MMRN1: variants seen among roughly 807,000 people sequenced by gnomAD.
MMRN1 encodes the protein multimerin-1.
In MMRN1, 94 loss-of-function variants were observed where a neutral mutation model predicts 100.7. The observed-to-expected ratio is 0.93, with a 90% CI of 0.79 to 1.11. The LOEUF (loss-of-function observed/expected upper bound fraction) is 1.11. MMRN1 is among the 50% of genes least tolerant of loss of function. MMRN1 has a pLI of 0.00. For missense variants in MMRN1, 1,606 were observed against 1,439.1 expected (o/e 1.12, Z -1.88); for synonymous variants, 575 against 505.0 (o/e 1.14, Z -1.86).
chr4:89,944,204 A>G (rs918021697), intron 6 of MMRN1, among the ~76,000 whole-genome samples: 5 of 152,092 alleles, frequency 3.3e-5, no homozygotes, highest in African/African-American at 1.2e-4. Context: ...TTTTTTCTCT[A>G]TTTTAAATAG....
intron 2 of MMRN1, 125 bp downstream of exon 2, chr4:89,909,520 A>G (rs1237944908): frequency 8.2e-7 from 1 of 1,213,768 alleles, no homozygotes; most frequent in East Asian, 2.6e-5. Context: ...TAGTCACATT[A>G]TGCTTTAGTA....
chr4:89,928,563 AT>A (rs1300117907), intron 5 of MMRN1, among the ~76,000 whole-genome samples: 1 of 152,184 alleles, frequency 6.6e-6, no homozygotes, highest in African/African-American at 2.4e-5. Context: ...GATCAACAGG[AT>A]AATCCATTTC....
At position 89,909,305 on chromosome 4, in the gene MMRN1, T is replaced by A. The variant is rs775899461; in HGVS notation, c.653T>A (p.Leu218Ter). 1 of 1,609,832 alleles carries A rather than the reference T, an allele frequency of 6.2e-7. No individual in the cohort carries two copies. The highest frequency in any genetic ancestry group is 8.5e-7 in the Non-Finnish European group (1 of 1,177,352). ...KNWCAYVHTR[L>*]SPTVILDNQV... ...TGGTGTGCTTATGTACATACCAGGT[T>A]ATCTCCCACAGTGATATTGGACAAC... The change falls in exon 2 of 8, where the codon TTA becomes TAA. Residue 218 changes from leucine (L) to a stop codon, truncating the protein, a stop_gained. Transcript: ENST00000264790. LOFTEE classifies it high-confidence loss of function.
At chr4:89,919,256 G>A (rs547175709) in intron 3 of MMRN1, among the ~76,000 whole-genome samples, 6 of 150,630 alleles carry the variant, frequency 4.0e-5, no homozygotes, top group East Asian at 3.9e-4. Flanking sequence ...TAACATTATC[G>A]GATAAAGTAT....
chr4:89,933,613 C>T (rs187502595), intron 5 of MMRN1, among the ~76,000 whole-genome samples: 66 of 152,244 alleles, frequency 4.3e-4, no homozygotes, highest in Non-Finnish European at 8.2e-4. Context: ...ACATCTTACA[C>T]GGCGACAAGC....
At chr4:89,937,238 G>A (rs1170958350) in intron 6 of MMRN1, among the ~76,000 whole-genome samples, 1 of 152,058 alleles carries the variant, frequency 6.6e-6, no homozygotes, top group African/African-American at 2.4e-5. Context: ...TCAGGAAATA[G>A]ATTTGGGTAA....
intron 7 of MMRN1, 133 bp from the exon 8 acceptor site, chr4:89,952,864 T>G: frequency 1.2e-6 from 1 of 813,970 alleles, no homozygotes; most frequent in Non-Finnish European, 1.9e-6. Context: ...CGTGCACCTT[T>G]GCTAAGTTTG....
intron 4 of MMRN1, among the ~76,000 whole-genome samples, chr4:89,925,294 C>T (rs1284045504): frequency 6.9e-6 from 1 of 144,610 alleles, no homozygotes; most frequent in Non-Finnish European, 1.5e-5. Flanking sequence ...TCCCACCATG[C>T]CTGGTTAATT....
Position 89,953,182 on chromosome 4 carries a change from A to G in MMRN1, c.3451A>G (p.Ile1151Val). 1 of 1,613,878 alleles carries G rather than the reference A, an allele frequency of 6.2e-7. No individual in the cohort carries two copies. Among genetic ancestry groups the G allele is most frequent in the Non-Finnish European group, 8.5e-7 (1 of 1,179,868 alleles). The change falls in exon 8 of 8, where the codon ATC becomes GTC. Residue 1151 changes from isoleucine (I) to valine (V), a missense_variant. Transcript: ENST00000264790. ...YLGVYVFKYT[I>V]ESFSAHISGF... Reference sequence around the variant, plus strand: ...TGGAGTATATGTTTTCAAGTACACCATCGAGTCATTTAGTGCTCATATTTC... The same window carrying G: ...TGGAGTATATGTTTTCAAGTACACCGTCGAGTCATTTAGTGCTCATATTTC...
intron 1 of MMRN1, among the ~76,000 whole-genome samples, chr4:89,885,806 C>A (rs1028971435): frequency 3.3e-5 from 5 of 151,912 alleles, no homozygotes; most frequent in African/African-American, 4.8e-5. Flanking sequence ...TGCTAACGGT[C>A]AATTAATCAT....
At chr4:89,885,615 T>A (rs1288411353) in intron 1 of MMRN1, among the ~76,000 whole-genome samples, 1 of 152,262 alleles carries the variant, frequency 6.6e-6, no homozygotes, top group African/African-American at 2.4e-5. Context: ...AATGTCTCTT[T>A]CTACCAGTTT....
rs773115638 is a variant in MMRN1, at chr4:89,895,268, T to C, written c.297T>C (p.Thr99=). The C allele has an allele frequency of 7.4e-6, 12 of 1,613,614 alleles. No homozygotes were observed. The highest frequency in any genetic ancestry group is 1.0e-5 in the Non-Finnish European group (12 of 1,179,916). Residue 99 remains threonine (T), a synonymous_variant, in exon 1 of 8, where the codon ACT becomes ACC. Coordinates refer to ENST00000264790, the MANE Select transcript of MMRN1 (RefSeq NM_007351.3). ...SAPAEGVRNQ[T]LTSTEKAEGV... Reference sequence around the variant, plus strand: ...CTGCTGAGGGTGTGAGAAATCAAACTCTCACATCCACAGAGAAAGCAGAAG... The same window carrying C: ...CTGCTGAGGGTGTGAGAAATCAAACCCTCACATCCACAGAGAAAGCAGAAG...
At chr4:89,900,738 G>A (rs1278799515) in intron 1 of MMRN1, among the ~76,000 whole-genome samples, 1 of 151,984 alleles carries the variant, frequency 6.6e-6, no homozygotes, top group Non-Finnish European at 1.5e-5. Context: ...GGCATCCAGA[G>A]GGGAGATCAA....
At chr4:89,931,904 C>A (rs553911465) in intron 5 of MMRN1, among the ~76,000 whole-genome samples, 2 of 152,204 alleles carry the variant, frequency 1.3e-5, no homozygotes, top group Non-Finnish European at 2.9e-5. Context: ...CGGCCCCTTC[C>A]AAATCTCATG....
At chr4:89,941,091 T>C in intron 6 of MMRN1, among the ~76,000 whole-genome samples, 1 of 152,330 alleles carries the variant, frequency 6.6e-6, no homozygotes, top group East Asian at 1.9e-4. Flanking sequence ...TGATTTTCCA[T>C]ATTATAAAAT....
At chr4:89,920,943 A>G (rs2110611393) in intron 3 of MMRN1, among the ~76,000 whole-genome samples, 1 of 152,200 alleles carries the variant, frequency 6.6e-6, no homozygotes, top group African/African-American at 2.4e-5. Flanking sequence ...GGAACTTCTC[A>G]TTTCCATCTA....
chr4:89,932,767 G>T (rs1722483894), intron 5 of MMRN1, among the ~76,000 whole-genome samples: 1 of 152,238 alleles, frequency 6.6e-6, no homozygotes, highest in South Asian at 2.1e-4. Context: ...AGGCCCCCAT[G>T]AAACTATTTT....
intron 1 of MMRN1, among the ~76,000 whole-genome samples, chr4:89,904,439 C>T (rs541097446): frequency 6.6e-6 from 1 of 151,404 alleles, no homozygotes; most frequent in East Asian, 2.0e-4. Flanking sequence ...TAATAACTTC[C>T]CATTGCACCC....
intron 1 of MMRN1, among the ~76,000 whole-genome samples, chr4:89,904,855 T>C (rs1721512086): frequency 6.6e-6 from 1 of 151,756 alleles, no homozygotes; most frequent in Non-Finnish European, 1.5e-5. Flanking sequence ...CTCAGGGACT[T>C]AATAATTGAA....
Sources: allele counts gnomAD v4.1 joint callset (sites outside exome capture counted in the v4.1 genomes callset), GRCh38; gene constraint gnomAD v4.1.1; transcripts MANE v1.5; gene names NCBI Gene and HGNC (gene_info 2026-07-23, HGNC 2026-07-21).